Variants in PALLD observed in about 807,000 individuals in gnomAD.
The protein encoded by PALLD is palladin.
PALLD carries 61 observed loss-of-function variants against 123.5 expected under a neutral mutation model. The observed-to-expected ratio is 0.49, with a 90% CI of 0.40 to 0.61. The LOEUF (loss-of-function observed/expected upper bound fraction) is 0.61. Ranked by LOEUF, PALLD falls within the 20% of genes least tolerant of loss-of-function variation. The pLI is 0.00. For synonymous variants in PALLD, 465 were observed against 496.4 expected (o/e 0.94, Z 0.84); for missense variants, 1,273 against 1,377.0 (o/e 0.92, Z 1.20).
At chr4:168,725,338 T>C (rs984884158) in intron 10 of PALLD, among the ~76,000 whole-genome samples, 1 of 152,106 alleles carries the variant, frequency 6.6e-6, no homozygotes, top group Non-Finnish European at 1.5e-5. Flanking sequence ...TTGTAAAAGA[T>C]TTCTGGAAAG....
intron 15 of PALLD, 44 bp from the exon 16 acceptor site, chr4:168,913,883 A>C (rs1398650674): frequency 8.0e-7 from 1 of 1,255,714 alleles, no homozygotes; most frequent in Non-Finnish European, 1.2e-6. Context: ...TTAGTGGTTA[A>C]TAGTTTTAAA....
chr4:168,920,465 T>C (rs572836037), intron 17 of PALLD, among the ~76,000 whole-genome samples: 2 of 152,172 alleles, frequency 1.3e-5, no homozygotes, highest in African/African-American at 2.4e-5. Context: ...ACAGTCTAAG[T>C]GACATCTTTT....
intron 2 of PALLD, among the ~76,000 whole-genome samples, chr4:168,609,392 C>T (rs1773516705): frequency 6.8e-6 from 1 of 146,400 alleles, no homozygotes; most frequent in Non-Finnish European, 1.5e-5. Flanking sequence ...GATGACTAGG[C>T]CTGTTCCTGT....
chr4:168,550,232 G>A (rs1055834009), intron 2 of PALLD, among the ~76,000 whole-genome samples: 5 of 152,192 alleles, frequency 3.3e-5, no homozygotes, highest in South Asian at 4.1e-4. Flanking sequence ...CTAATCCTAA[G>A]TTAAAAGGGA....
chr4:168,526,421 G>A (rs182046328), intron 2 of PALLD, among the ~76,000 whole-genome samples: 3 of 152,270 alleles, frequency 2.0e-5, no homozygotes, highest in East Asian at 3.9e-4. Flanking sequence ...TCTCACATCC[G>A]TGGTATTGAA....
chr4:168,514,614 G>A (rs928601305), intron 2 of PALLD, among the ~76,000 whole-genome samples: 2 of 152,098 alleles, frequency 1.3e-5, no homozygotes, highest in Non-Finnish European at 2.9e-5. Context: ...TGACAGAAAT[G>A]AATGTTTCAG....
intron 2 of PALLD, among the ~76,000 whole-genome samples, chr4:168,632,956 A>G (rs1188988111): frequency 1.3e-5 from 2 of 152,136 alleles, no homozygotes; most frequent in Admixed American, 1.3e-4. Context: ...ATGTTAGGAG[A>G]GGGGCAGCGG....
chr4:168,808,179 A>G (rs182842850), intron 10 of PALLD, among the ~76,000 whole-genome samples: 368 of 151,386 alleles, frequency 2.4e-3, no homozygotes, highest in African/African-American at 8.0e-3. Flanking sequence ...ATATATTAAT[A>G]TATATAAGAA....
At chr4:168,557,569 C>G (rs957642444) in intron 2 of PALLD, among the ~76,000 whole-genome samples, 3 of 152,172 alleles carry the variant, frequency 2.0e-5, no homozygotes, top group African/African-American at 7.2e-5. Flanking sequence ...GTAAACAAAT[C>G]ATAATCAATT....
chr4:168,701,024 C>T (rs1049083897), intron 8 of PALLD: 3 of 127,334 alleles, frequency 2.4e-5, no homozygotes, highest in South Asian at 2.3e-4. Flanking sequence ...TATTTAATTA[C>T]AGTTGTGATG....
chr4:168,602,363 G>T (rs1291230097), intron 2 of PALLD, among the ~76,000 whole-genome samples: 1 of 152,200 alleles, frequency 6.6e-6, no homozygotes, highest in Non-Finnish European at 1.5e-5. Flanking sequence ...ACAGGGATAT[G>T]GTTAACAGGT....
At chr4:168,921,406 CAAAA>C (rs5863967) in intron 17 of PALLD, 124 bp from the exon 18 acceptor site, 2,262 of 358,762 alleles carry the variant, frequency 6.3e-3, no homozygotes, top group Middle Eastern at 7.0e-3. Context: ...AAACTCTGTC[CAAAA>C]AAAAAAAAAA....
At position 168,879,287 on chromosome 4, in the gene PALLD, C is replaced by A. The variant is rs572575172; in HGVS notation, c.1965-11635C>A. 3.3e-5 allele frequency among the ~76,000 whole-genome samples: 5 copies of A among 151,998 alleles called. No individual in the cohort carries two copies. In the South Asian group the frequency reaches 1.0e-3, roughly 32 times the overall value. ...ACCTACAGAAGTACAGTAAAATCCT[C>A]AAAAAAATACAGTACAGGTGTTAGG... On this transcript the variant is annotated intron_variant, in intron 10 of 21. Transcript: ENST00000505667.
chr4:168,734,341 T>G (rs1787514461), intron 10 of PALLD, among the ~76,000 whole-genome samples: 1 of 152,148 alleles, frequency 6.6e-6, no homozygotes, highest in Non-Finnish European at 1.5e-5. Context: ...TACATCCTGC[T>G]GACACAAAGC....
chr4:168,606,687 T>C (rs1391251636), intron 2 of PALLD, among the ~76,000 whole-genome samples: 1 of 138,632 alleles, frequency 7.2e-6, no homozygotes, highest in Non-Finnish European at 1.6e-5. Context: ...AAAAAAAAGA[T>C]CAAGCTTTCT....
chr4:168,619,632 A>G (rs924667099), intron 2 of PALLD, among the ~76,000 whole-genome samples: 3 of 152,226 alleles, frequency 2.0e-5, no homozygotes, highest in African/African-American at 7.2e-5. Flanking sequence ...GAAATCTTTC[A>G]GTAGAACCAA....
At chr4:168,568,454 C>A (rs1309313034) in intron 2 of PALLD, among the ~76,000 whole-genome samples, 1 of 151,922 alleles carries the variant, frequency 6.6e-6, no homozygotes. Flanking sequence ...CACAATCCCA[C>A]AAAAATGCAT....
At chr4:168,506,607 G>T (rs1204102414) in intron 1 of PALLD, among the ~76,000 whole-genome samples, 1 of 151,928 alleles carries the variant, frequency 6.6e-6, no homozygotes, top group Non-Finnish European at 1.5e-5. Context: ...TGCCTAATTT[G>T]GTTTGTATAA....
intron 2 of PALLD, among the ~76,000 whole-genome samples, chr4:168,537,108 G>T (rs1765177167): frequency 1.3e-5 from 2 of 152,182 alleles, no homozygotes; most frequent in Non-Finnish European, 2.9e-5. Context: ...ACAGGCGTGA[G>T]CCACCGCGCC....
Sources: gnomAD v4.1 joint callset for allele counts (sites outside exome capture counted in the v4.1 genomes callset) on GRCh38, gnomAD v4.1.1 for gene constraint, MANE v1.5 for transcripts, NCBI Gene and HGNC (gene_info 2026-07-23, HGNC 2026-07-21) for gene names.